Variants in CHRM2 observed in about 807,000 individuals in gnomAD.
The protein encoded by CHRM2 is muscarinic acetylcholine receptor M2.
In CHRM2, 8 loss-of-function variants were observed where a neutral mutation model predicts 25.0. That is an observed-to-expected ratio of 0.32 (90% confidence interval 0.19 to 0.58). The LOEUF (loss-of-function observed/expected upper bound fraction) is 0.58. Among genes scored for constraint, CHRM2 ranks in the 20% least tolerant of loss-of-function variants. The probability of loss-of-function intolerance (pLI) is 0.88; values close to 1 mark genes in which losing one functional copy is unlikely to be tolerated. For synonymous variants in CHRM2, 202 were observed against 205.7 expected, an observed-to-expected ratio of 0.98 and a Z score of 0.15; for missense variants, 440 against 567.1, an observed-to-expected ratio of 0.78 and a Z score of 2.28.
chr7:136,940,093 A>C (rs1799676326), intron 2 of CHRM2, among the ~76,000 whole-genome samples: 1 of 152,238 alleles, frequency 6.6e-6, no homozygotes, highest in South Asian at 2.1e-4. Flanking sequence ...AAGCAACATC[A>C]GTAGGTTTAA....
intron 2 of CHRM2, among the ~76,000 whole-genome samples, chr7:136,919,674 G>A (rs942801123): frequency 2.0e-5 from 3 of 151,974 alleles, no homozygotes; most frequent in Non-Finnish European, 4.4e-5. Context: ...CCAATGTACC[G>A]TGGTGTTGTA....
chr7:136,966,425 C>T (rs1801419604), intron 2 of CHRM2, among the ~76,000 whole-genome samples: 2 of 151,814 alleles, frequency 1.3e-5, no homozygotes, highest in Non-Finnish European at 2.9e-5. Context: ...TTTATTGATT[C>T]ATAAAATCCA....
intron 3 of CHRM2, among the ~76,000 whole-genome samples, chr7:137,001,129 A>T (rs560874771): frequency 1.3e-5 from 2 of 152,220 alleles, no homozygotes; most frequent in South Asian, 4.2e-4. Context: ...AAACATAATG[A>T]AAACTCCCCA....
At chr7:136,967,060 T>A (rs324587) in intron 2 of CHRM2, among the ~76,000 whole-genome samples, 133,244 of 151,894 alleles carry the variant, frequency 0.88, 58,991 homozygotes, top group Middle Eastern at 0.97. Flanking sequence ...AAGAAAAAAA[T>A]TCAATGCAAA....
chr7:136,998,247 C>T (rs1342396314), intron 3 of CHRM2, among the ~76,000 whole-genome samples: 1 of 152,102 alleles, frequency 6.6e-6, no homozygotes, highest in African/African-American at 2.4e-5. Flanking sequence ...GATGAAGGGT[C>T]ACAGAAGGAA....
At chr7:137,005,392 A>T (rs539818522) in intron 3 of CHRM2, among the ~76,000 whole-genome samples, 1 of 152,146 alleles carries the variant, frequency 6.6e-6, no homozygotes, top group Admixed American at 6.6e-5. Flanking sequence ...CTTAACTATT[A>T]TAAGATATGC....
chr7:136,889,985 T>C (rs573926139), intron 2 of CHRM2, among the ~76,000 whole-genome samples: 23 of 152,316 alleles, frequency 1.5e-4, no homozygotes, highest in South Asian at 1.2e-3. Flanking sequence ...CTCCCTGCTA[T>C]AGCACACCTT....
chr7:137,012,750 T>A (rs1804905979), intron 3 of CHRM2, among the ~76,000 whole-genome samples: 1 of 151,968 alleles, frequency 6.6e-6, no homozygotes, highest in South Asian at 2.1e-4. Context: ...CATACTTGAG[T>A]AGACCTCTTT....
intron 2 of CHRM2, among the ~76,000 whole-genome samples, chr7:136,873,847 C>T (rs10488596): frequency 0.13 from 20,019 of 152,188 alleles, 1,475 homozygotes; most frequent in Non-Finnish European, 0.17. Context: ...GCTGAGTAGG[C>T]TCTTAGTTGG....
At chr7:136,990,360 G>C (rs1549330) in intron 2 of CHRM2, among the ~76,000 whole-genome samples, 97,111 of 151,888 alleles carry the variant, frequency 0.64, 32,289 homozygotes, top group Non-Finnish European at 0.73. Flanking sequence ...AGTCCTCAAT[G>C]CTCCACCTAT....
rs73158746 is a variant in CHRM2, at chr7:136,934,339, T to C, written c.-124-57848T>C. ...CCTAACATCTATTTTCTATTTTTTA[T>C]TCTTATGTCCACAGAGATACTTCAT... is the stretch of plus-strand genomic sequence containing the variant. On this transcript the variant is annotated intron_variant, in intron 2 of 3. Transcript: ENST00000680005. 3.3e-3 allele frequency among the ~76,000 whole-genome samples: 501 copies of C among 152,240 alleles called. 2 individuals carry two copies. The highest frequency in any genetic ancestry group is 4.3e-3 in the Non-Finnish European group (293 of 67,964).
At chr7:136,988,411 A>AT (rs548260463) in intron 2 of CHRM2, among the ~76,000 whole-genome samples, 184 of 152,324 alleles carry the variant, frequency 1.2e-3, no homozygotes, top group African/African-American at 3.8e-3. Flanking sequence ...AATAGGTAAT[A>AT]TAATTGAGTG....
rs562735543 is a variant in CHRM2 at position 136,987,144 on chromosome 7, C to T, written c.-124-5043C>T. Reference sequence around the variant, plus strand: ...ATTTCTCTTTCTTTTTCTCTTCCTCCTTTCTCTATTTTTCCTTTCCTTAAA... The same window carrying T: ...ATTTCTCTTTCTTTTTCTCTTCCTCTTTTCTCTATTTTTCCTTTCCTTAAA... On this transcript the variant is annotated intron_variant, in intron 2 of 3. Coordinates refer to ENST00000680005, the MANE Select transcript of CHRM2 (RefSeq NM_001006630.2). 3.9e-5 allele frequency among the ~76,000 whole-genome samples: 6 copies of T among 152,170 alleles called. No individual in the cohort carries two copies. In the South Asian group the frequency reaches 1.2e-3, roughly 32 times the overall value.
At chr7:136,876,594 T>C (rs1273685406) in intron 2 of CHRM2, among the ~76,000 whole-genome samples, 1 of 152,122 alleles carries the variant, frequency 6.6e-6, no homozygotes, top group Non-Finnish European at 1.5e-5. Context: ...CTGAGGGCTA[T>C]TTTAAGTTCA....
Position 137,015,401 on chromosome 7 carries a change from A to C in CHRM2, c.536A>C (p.Gln179Pro), listed in dbSNP as rs1188211079. The change falls in exon 4 of 4, where the codon CAG becomes CCG. Residue 179 changes from glutamine (Q) to proline (P), a missense_variant. Transcript: ENST00000680005. The surrounding 1 kb of genome is among the most constrained non-coding windows in gnomAD (Gnocchi z 5.1). ...GTGGAGGATGGGGAGTGCTACATTC[A>C]GTTTTTTTCCAATGCTGCTGTCACC... is the stretch of plus-strand genomic sequence containing the variant. ...RTVEDGECYIQFFSNAAVTFG... is the reference protein window; with the variant it reads ...RTVEDGECYIPFFSNAAVTFG... The C allele has an allele frequency of 3.7e-6, 6 of 1,613,288 alleles. No individual in the cohort carries two copies. The highest frequency in any genetic ancestry group is 3.4e-6 in the Non-Finnish European group (4 of 1,179,644).
intron 2 of CHRM2, among the ~76,000 whole-genome samples, chr7:136,987,011 C>T (rs927467585): frequency 2.6e-5 from 4 of 152,142 alleles, no homozygotes; most frequent in African/African-American, 9.7e-5. Flanking sequence ...AACGAACAGG[C>T]AAAACCTGAA....
chr7:136,934,602 T>G (rs1247605061), intron 2 of CHRM2, among the ~76,000 whole-genome samples: 1 of 152,112 alleles, frequency 6.6e-6, no homozygotes, highest in Non-Finnish European at 1.5e-5. Context: ...TCTGGCCAAA[T>G]AGGTCCAAAT....
At chr7:136,911,744 T>C (rs1797853987) in intron 2 of CHRM2, among the ~76,000 whole-genome samples, 1 of 152,004 alleles carries the variant, frequency 6.6e-6, no homozygotes, top group Non-Finnish European at 1.5e-5. Flanking sequence ...ATGTAGGATT[T>C]GTAATTCAGG....
intron 2 of CHRM2, among the ~76,000 whole-genome samples, chr7:136,881,432 T>C (rs969367745): frequency 2.0e-5 from 3 of 151,916 alleles, no homozygotes; most frequent in Non-Finnish European, 4.4e-5. Flanking sequence ...TGAAGATAAA[T>C]TTTAGCCAGG....
Sources: gnomAD v4.1 joint callset for allele counts (sites outside exome capture counted in the v4.1 genomes callset) on GRCh38, gnomAD v4.1.1 for gene constraint, Gnocchi (gnomAD v3.1) non-coding constraint, MANE v1.5 for transcripts, NCBI Gene and HGNC (gene_info 2026-07-23, HGNC 2026-07-21) for gene names.